The following STARD8 variants were observed in gnomAD, a reference collection of about 807,000 sequenced individuals.
STARD8 encodes the protein StAR related lipid transfer domain containing 8.
STARD8 carries 25 observed loss-of-function variants against 69.4 expected under a neutral mutation model. The ratio of observed to expected loss-of-function variants is 0.36; its 90% confidence interval spans 0.26 to 0.50. The LOEUF (loss-of-function observed/expected upper bound fraction) is 0.50, where lower values mean the gene tolerates loss of function less well. Among genes scored for constraint, STARD8 ranks in the 20% least tolerant of loss-of-function variants. STARD8 has a pLI of 0.96. For missense variants in STARD8, 921 were observed against 932.5 expected (o/e 0.99, Z 0.16); for synonymous variants, 389 against 374.6 (o/e 1.04, Z -0.45).
At chrX:68,674,427 T>A (rs1378749668) in intron 2 of STARD8, among the ~76,000 whole-genome samples, 2 of 111,520 alleles carry the variant, frequency 1.8e-5, no homozygotes, top group Non-Finnish European at 3.8e-5. Flanking sequence ...ATAAATTCTT[T>A]CTGTTCATTG....
rs755513180 is a variant in STARD8 at position 68,672,957 on chromosome X, G to C, written c.79+7425G>C. On this transcript the variant is annotated intron_variant, in intron 2 of 14. Transcript: ENST00000374599. ...ATATTTCAGGGAATACATTCCACAG[G>C]GGAAGGGAACAGCCTCCCTTATTAA... Among the ~76,000 whole-genome samples, 3 of 111,926 alleles carry C rather than the reference G, an allele frequency of 2.7e-5. No homozygotes were observed. The Admixed American group carries it at 2.8e-4, about 11-fold the overall frequency.
Position 68,663,851 on chromosome X carries a change from C to T in STARD8, c.46-1648C>T, listed in dbSNP as rs553675734. 5.4e-5 allele frequency among the ~76,000 whole-genome samples: 6 copies of T among 111,767 alleles called. No individual in the cohort carries two copies. In the South Asian group the frequency reaches 1.1e-3, roughly 21 times the overall value. On this transcript the variant is annotated intron_variant, in intron 1 of 14. Coordinates refer to ENST00000374599, the MANE Select transcript of STARD8 (RefSeq NM_001142503.3). The stretch of plus-strand genomic sequence containing the variant: ...ATTGGTCTTTCTCCTCTGGTCACGC[C>T]GATCTCATTCTAGAACTTTTTATCT...
intron 2 of STARD8, among the ~76,000 whole-genome samples, chrX:68,699,976 G>A (rs1341340805): frequency 1.8e-5 from 2 of 111,552 alleles, no homozygotes; most frequent in East Asian, 5.7e-4. Context: ...TCCCCTTGTT[G>A]AGTTAAATAC....
At chrX:68,672,743 G>C (rs1431611552) in intron 2 of STARD8, among the ~76,000 whole-genome samples, 1 of 111,192 alleles carries the variant, frequency 9.0e-6, no homozygotes. Context: ...GCAGCCAAGG[G>C]GCAGCTTTCA....
intron 2 of STARD8, among the ~76,000 whole-genome samples, chrX:68,667,457 CAG>C (rs1264850554): frequency 4.5e-5 from 5 of 112,132 alleles, no homozygotes; most frequent in Non-Finnish European, 9.4e-5. Context: ...AAATTTAGGT[CAG>C]GGGGTGAGCA....
intron 1 of STARD8, among the ~76,000 whole-genome samples, chrX:68,661,890 C>CTTCT (rs2079647194): frequency 1.1e-5 from 1 of 87,481 alleles, no homozygotes; most frequent in African/African-American, 4.5e-5. Context: ...TCCTTCCTTC[C>CTTCT]TTCCTTCCTT....
chrX:68,674,433 C>T (rs1410688428), intron 2 of STARD8, among the ~76,000 whole-genome samples: 1 of 110,949 alleles, frequency 9.0e-6, no homozygotes, highest in African/African-American at 3.3e-5. Flanking sequence ...TCTTTCTGTT[C>T]ATTGGAGGTA....
chrX:68,722,354 A>C, intron 11 of STARD8, 68 bp from the exon 12 acceptor site: 1 of 1,032,924 alleles, frequency 9.7e-7, no homozygotes, highest in Admixed American at 2.9e-5. Context: ...CCTTAACGTG[A>C]ACCTGACAGA....
At chrX:68,713,372 T>C (rs1231206047) in intron 3 of STARD8, among the ~76,000 whole-genome samples, 1 of 112,230 alleles carries the variant, frequency 8.9e-6, no homozygotes, top group Non-Finnish European at 1.9e-5. Flanking sequence ...TTCTCTGTTT[T>C]CCTTCATTTC....
chrX:68,662,691 T>C (rs2147878339), intron 1 of STARD8, among the ~76,000 whole-genome samples: 1 of 112,016 alleles, frequency 8.9e-6, no homozygotes, highest in African/African-American at 3.2e-5. Context: ...CTTGTCTTCT[T>C]GATGAACAAC....
intron 2 of STARD8, among the ~76,000 whole-genome samples, chrX:68,667,644 A>G (rs1027044113): frequency 2.7e-4 from 30 of 111,016 alleles, no homozygotes; most frequent in Non-Finnish European, 3.4e-4. Context: ...CGATGAGTTT[A>G]GAAGGTCTGA....
At chrX:68,690,850 A>T (rs182437121) in intron 2 of STARD8, among the ~76,000 whole-genome samples, 2 of 112,196 alleles carry the variant, frequency 1.8e-5, no homozygotes, top group African/African-American at 6.5e-5. Context: ...GCTTATAAGC[A>T]CTTACTATGT....
chrX:68,653,423 ACAC>A (rs1399827165), intron 1 of STARD8, among the ~76,000 whole-genome samples: 2 of 42,177 alleles, frequency 4.7e-5, no homozygotes. Flanking sequence ...CACACCACAC[ACAC>A]CACACACCAC....
chrX:68,687,708 G>T (rs1035665190), intron 2 of STARD8, among the ~76,000 whole-genome samples: 2 of 112,409 alleles, frequency 1.8e-5, no homozygotes, highest in Non-Finnish European at 3.8e-5. Context: ...CAAAGTAGAA[G>T]CCAGAGTGAC....
intron 3 of STARD8, 43 bp from the exon 4 acceptor site, chrX:68,715,251 T>G: frequency 7.4e-5 from 83 of 1,118,316 alleles, no homozygotes; most frequent in Non-Finnish European, 9.3e-5. Flanking sequence ...GCTGAGTTTG[T>G]GATATACCAC....
At chrX:68,668,247 TTTC>T (rs2079702992) in intron 2 of STARD8, among the ~76,000 whole-genome samples, 3 of 82,634 alleles carry the variant, frequency 3.6e-5, no homozygotes, top group African/African-American at 1.8e-4. Context: ...TCTTTCTTTC[TTTC>T]TTTCTTTCTT....
rs1253212785 is a variant in STARD8, at chrX:68,725,574, ATATATGTG to A, written c.*1154_*1161del. Reference sequence around the variant, plus strand: ...ACAGCTAATATATATATATATATATATATATGTGTGTGTGTGTGTGTGTGTATATGTGT... The same window carrying A: ...ACAGCTAATATATATATATATATATATGTGTGTGTGTGTGTGTATATGTGT... On this transcript the variant is annotated 3_prime_UTR_variant, in exon 15 of 15. Coordinates refer to ENST00000374599, the MANE Select transcript of STARD8 (RefSeq NM_001142503.3). 8.6e-5 allele frequency: 9 copies of A among 104,336 alleles called. No individual in the cohort carries two copies. The highest frequency in any genetic ancestry group is 3.3e-4 in the African/African-American group (9 of 27,253). 8.6% of individuals were successfully genotyped at this position (104,336 alleles called of 1,213,427 possible).
intron 2 of STARD8, among the ~76,000 whole-genome samples, chrX:68,670,129 A>G (rs1250477457): frequency 1.8e-5 from 2 of 112,159 alleles, no homozygotes; most frequent in Non-Finnish European, 3.8e-5. Context: ...AAATCTTTTA[A>G]CCATGATCCA....
rs1029371774 is a variant in STARD8 at position 68,721,430 on chromosome X, G to A, written c.2249-106G>A. On this transcript the variant is annotated intron_variant, in intron 9 of 14. Transcript: ENST00000374599. ...CTGACATTTTCCCTTCCCTCTCACC[G>A]CTCCCCTTGGGACTGCTGTGCCTTT... The A allele has an allele frequency of 6.5e-5, 56 of 863,785 alleles. No homozygotes were observed. The Admixed American group carries it at 1.2e-3, about 19-fold the overall frequency. The allele number at this position is 863,785 out of a possible 1,213,427, so 71.2% of individuals were successfully genotyped here.
Sources: allele counts gnomAD v4.1 joint callset (sites outside exome capture counted in the v4.1 genomes callset), GRCh38; gene constraint gnomAD v4.1.1; transcripts MANE v1.5; gene names NCBI Gene and HGNC (gene_info 2026-07-23, HGNC 2026-07-21).